CREB1: variants seen among roughly 807,000 people sequenced by gnomAD.
The protein encoded by CREB1 is cyclic AMP-responsive element-binding protein 1.
In CREB1, 2 loss-of-function variants were observed where a neutral mutation model predicts 42.0. That is an observed-to-expected ratio of 0.05 (90% confidence interval 0.02 to 0.15). CREB1 has a LOEUF of 0.15. Ranked by LOEUF, CREB1 falls within the 10% of genes least tolerant of loss-of-function variation. The pLI is 1.00. For missense variants in CREB1, 199 were observed against 388.9 expected, an observed-to-expected ratio of 0.51 and a Z score of 4.11; for synonymous variants, 123 against 139.9, an observed-to-expected ratio of 0.88 and a Z score of 0.85.
At chr2:207,552,788 G>T (rs2081564221) in intron 1 of CREB1, among the ~76,000 whole-genome samples, 1 of 151,658 alleles carries the variant, frequency 6.6e-6, no homozygotes, top group African/African-American at 2.4e-5. Flanking sequence ...CTAATTTTTT[G>T]TATTTTTAGT....
chr2:207,572,453 T>C (rs758966303), intron 5 of CREB1, among the ~76,000 whole-genome samples: 4 of 152,200 alleles, frequency 2.6e-5, no homozygotes, highest in Non-Finnish European at 5.9e-5. Context: ...GAATTCACCA[T>C]AGATATATAA....
At chr2:207,576,807 G>T (rs2106577213) in intron 6 of CREB1, 9 of 1,035,130 alleles carry the variant, frequency 8.7e-6, no homozygotes, top group Non-Finnish European at 1.1e-5. Flanking sequence ...GTAACATTAG[G>T]TTCCTTATTA....
chr2:207,534,429 G>A (rs955584546), intron 1 of CREB1, among the ~76,000 whole-genome samples: 1 of 151,958 alleles, frequency 6.6e-6, no homozygotes, highest in African/African-American at 2.4e-5. Context: ...TAGAGACAGG[G>A]TTTCACCATG....
At chr2:207,542,666 C>T (rs369217628) in intron 1 of CREB1, among the ~76,000 whole-genome samples, 3 of 152,056 alleles carry the variant, frequency 2.0e-5, no homozygotes, top group South Asian at 2.1e-4. Flanking sequence ...TTATGATTTC[C>T]GGTTCATCTA....
At chr2:207,548,553 C>A (rs2081382068) in intron 1 of CREB1, among the ~76,000 whole-genome samples, 4 of 151,966 alleles carry the variant, frequency 2.6e-5, no homozygotes, top group Non-Finnish European at 5.9e-5. Context: ...GAGTTTGAGA[C>A]CAGCGTGGCC....
intron 1 of CREB1, among the ~76,000 whole-genome samples, chr2:207,545,813 A>C (rs542403977): frequency 4.0e-5 from 6 of 150,898 alleles, no homozygotes; most frequent in Non-Finnish European, 5.9e-5. Context: ...GGCTCACTGC[A>C]ACCTCTGCCT....
At chr2:207,546,691 A>G (rs1214151107) in intron 1 of CREB1, among the ~76,000 whole-genome samples, 2 of 151,894 alleles carry the variant, frequency 1.3e-5, no homozygotes, top group East Asian at 3.9e-4. Flanking sequence ...CATGCCACTC[A>G]CTGCATTCCA....
At chr2:207,565,089 G>T (rs1039631081) in intron 3 of CREB1, among the ~76,000 whole-genome samples, 6 of 151,324 alleles carry the variant, frequency 4.0e-5, no homozygotes, top group Admixed American at 2.0e-4. Flanking sequence ...TTGAGAGGAA[G>T]CTACAGAGAT....
Position 207,575,583 on chromosome 2 carries a change from A to G in CREB1, c.688+129A>G, listed in dbSNP as rs185304561. The G allele has an allele frequency of 2.3e-3, 1,816 of 790,850 alleles. 3 individuals are homozygous for G. Among genetic ancestry groups the G allele is most frequent in the Non-Finnish European group, 2.9e-3 (1,515 of 519,000 alleles). 49.0% of individuals were successfully genotyped at this position (790,850 alleles called of 1,614,324 possible). ...TGTAGTTAACATTTCTTCAATATTG[A>G]TAGTATTTTTCATGAACTCTTCCAT... On this transcript the variant is annotated intron_variant, in intron 6 of 7. Transcript: ENST00000353267.
At chr2:207,591,909 T>G (rs1264779321) in intron 7 of CREB1, among the ~76,000 whole-genome samples, 1 of 152,178 alleles carries the variant, frequency 6.6e-6, no homozygotes, top group Non-Finnish European at 1.5e-5. Flanking sequence ...AAGTAGAAAT[T>G]TTTAATTTTA....
intron 1 of CREB1, among the ~76,000 whole-genome samples, chr2:207,544,363 T>C (rs1426000250): frequency 6.6e-6 from 1 of 152,346 alleles, no homozygotes; most frequent in Admixed American, 6.5e-5. Context: ...TTTCTTTTTT[T>C]CCACAGTTCA....
intron 1 of CREB1, among the ~76,000 whole-genome samples, chr2:207,530,596 CGCCTCGCCCCCGGCCCGACCCG>C (rs2080565482): frequency 6.8e-6 from 1 of 147,828 alleles, no homozygotes; most frequent in African/African-American, 2.4e-5. Context: ...CCCCGCCGCC[CGCCTCGCCCCCGGCCCGACCCG>C]GCCGGGCCTC....
chr2:207,547,293 A>C (rs1055670779), intron 1 of CREB1, among the ~76,000 whole-genome samples: 7 of 152,274 alleles, frequency 4.6e-5, no homozygotes, highest in South Asian at 4.1e-4. Flanking sequence ...ATTTTGACGT[A>C]ATCACTTTGA....
At position 207,602,538 on chromosome 2, in the gene CREB1, C is replaced by CA. The variant is rs2087258203; in HGVS notation, c.*5481dup. ...CCAAGCTTTTGTCTGAGGAGCATCT[C>CA]AGAGAAGTGAGAGTAAATCTGAGTT... is the stretch of plus-strand genomic sequence containing the variant. On this transcript the variant is annotated 3_prime_UTR_variant, in exon 8 of 8. Transcript: ENST00000353267. 1 of 210,424 alleles carries CA rather than the reference C, an allele frequency of 4.8e-6. No individual in the cohort carries two copies. The highest frequency in any genetic ancestry group is 9.6e-6 in the Non-Finnish European group (1 of 103,724). The allele number at this position is 210,424 out of a possible 1,614,324, so 13.0% of individuals were successfully genotyped here.
At chr2:207,595,905 G>A (rs2086067420) in intron 7 of CREB1, among the ~76,000 whole-genome samples, 1 of 152,116 alleles carries the variant, frequency 6.6e-6, no homozygotes, top group Non-Finnish European at 1.5e-5. Context: ...TATATGATTT[G>A]CAGATATTTC....
At chr2:207,588,728 G>GT (rs58013876) in intron 7 of CREB1, among the ~76,000 whole-genome samples, 19 of 134,950 alleles carry the variant, frequency 1.4e-4, no homozygotes, top group African/African-American at 5.5e-4. Flanking sequence ...CTGTTTTCTG[G>GT]TTTTTTTTTT....
intron 1 of CREB1, among the ~76,000 whole-genome samples, chr2:207,536,248 C>T (rs2080865560): frequency 6.6e-6 from 1 of 152,114 alleles, no homozygotes; most frequent in African/African-American, 2.4e-5. Context: ...TTCCAGAAAA[C>T]ATCATTAAGT....
intron 2 of CREB1, among the ~76,000 whole-genome samples, chr2:207,558,824 G>C (rs1288189463): frequency 6.6e-6 from 1 of 151,910 alleles, no homozygotes; most frequent in Non-Finnish European, 1.5e-5. Flanking sequence ...TGTATTTTTA[G>C]TAGAGATGGG....
chr2:207,543,951 G>A (rs1053383455), intron 1 of CREB1, among the ~76,000 whole-genome samples: 3 of 150,166 alleles, frequency 2.0e-5, no homozygotes, highest in African/African-American at 7.4e-5. Flanking sequence ...ACGAGGTCTC[G>A]CTGTGTTGTG....
Sources: gnomAD v4.1 joint callset for allele counts (sites outside exome capture counted in the v4.1 genomes callset) on GRCh38, gnomAD v4.1.1 for gene constraint, MANE v1.5 for transcripts, NCBI Gene and HGNC (gene_info 2026-07-23, HGNC 2026-07-21) for gene names.